SHROOM2: variants seen among roughly 807,000 people sequenced by gnomAD.
The protein encoded by SHROOM2 is shroom family member 2, also known as protein Shroom2.
SHROOM2 carries 33 observed loss-of-function variants against 75.9 expected under a neutral mutation model. That is an observed-to-expected ratio of 0.43 (90% CI 0.33 to 0.58). SHROOM2 has a LOEUF of 0.58. Among genes scored for constraint, SHROOM2 ranks in the 20% least tolerant of loss-of-function variants. SHROOM2 has a pLI of 0.04. For synonymous variants in SHROOM2, 655 were observed against 663.6 expected (o/e 0.99, Z 0.20); for missense variants, 1,434 against 1,461.2 (o/e 0.98, Z 0.30).
At chrX:9,885,471 C>T (rs931952037) in intron 2 of SHROOM2, among the ~76,000 whole-genome samples, 1 of 109,788 alleles carries the variant, frequency 9.1e-6, no homozygotes, top group Non-Finnish European at 1.9e-5. Flanking sequence ...GAGGTGCCAA[C>T]AAACAGAAAC....
At chrX:9,824,426 C>T (rs905407079) in intron 1 of SHROOM2, among the ~76,000 whole-genome samples, 135 of 110,453 alleles carry the variant, frequency 1.2e-3, no homozygotes, top group African/African-American at 4.2e-3. Context: ...AGACAAGAGC[C>T]GAAACTCCGT....
chrX:9,867,365 C>G (rs1005471163), intron 1 of SHROOM2, among the ~76,000 whole-genome samples: 1 of 111,201 alleles, frequency 9.0e-6, no homozygotes, highest in Admixed American at 9.6e-5. Flanking sequence ...CGTCATGGGT[C>G]GGGGATGATT....
chrX:9,798,501 G>C (rs1275537736), intron 1 of SHROOM2, among the ~76,000 whole-genome samples: 1 of 111,505 alleles, frequency 9.0e-6, no homozygotes, highest in African/African-American at 3.3e-5. Flanking sequence ...TGAAAGTACA[G>C]CTGTATTGAT....
At chrX:9,846,317 C>T (rs751792079) in intron 1 of SHROOM2, among the ~76,000 whole-genome samples, 3 of 110,195 alleles carry the variant, frequency 2.7e-5, no homozygotes, top group Non-Finnish European at 3.8e-5. Context: ...ATTTTTGAGA[C>T]GGAGTCTCGC....
At chrX:9,929,894 A>G (rs982869598) in intron 5 of SHROOM2, among the ~76,000 whole-genome samples, 12 of 111,142 alleles carry the variant, frequency 1.1e-4, no homozygotes, top group Admixed American at 1.1e-3. Flanking sequence ...TAAGTCTCAC[A>G]AGACCTGATG....
In SHROOM2 at chrX:9,871,388, C is replaced by G. The variant is rs376123102; in HGVS notation, c.166-2264C>G. ...AAGAAGCCTTTCCTCTGTGAAGAAA[C>G]CTGGGGGGAGGGTTGCTCCAGATCC... On this transcript the variant is annotated intron_variant, in intron 1 of 9. Coordinates refer to ENST00000380913, the MANE Select transcript of SHROOM2 (RefSeq NM_001649.4). Among the ~76,000 whole-genome samples the G allele has an allele frequency of 5.4e-5, 6 of 111,685 alleles. No individual in the cohort carries two copies. The East Asian group carries it at 1.1e-3, about 21-fold the overall frequency.
chrX:9,900,555 G>A (rs887059362), intron 5 of SHROOM2, among the ~76,000 whole-genome samples: 1 of 112,286 alleles, frequency 8.9e-6, no homozygotes, highest in Non-Finnish European at 1.9e-5. Context: ...GTTGAGATCG[G>A]AATTGTTTTT....
At position 9,904,318 on chromosome X, in the gene SHROOM2, G is replaced by A. The variant is rs757137567; in HGVS notation, c.2891+6028G>A. Among the ~76,000 whole-genome samples, 10 of 111,582 alleles carry A rather than the reference G, an allele frequency of 9.0e-5. No homozygotes were observed. In the South Asian group the frequency reaches 1.9e-3, roughly 21 times the overall value. On this transcript the variant is annotated intron_variant, in intron 5 of 9. Transcript: ENST00000380913. ...GAGGATCACTTGAGTCCAGGAGTTC[G>A]AGACCAGCTGGGGCAACCTAGCAAT...
chrX:9,787,981 C>T (rs761203184), intron 1 of SHROOM2, among the ~76,000 whole-genome samples: 3 of 82,678 alleles, frequency 3.6e-5, no homozygotes, highest in African/African-American at 1.5e-4. Context: ...TCTTTTCTTT[C>T]TTTCTTTCTT....
intron 2 of SHROOM2, among the ~76,000 whole-genome samples, chrX:9,875,068 A>T (rs2084190972): frequency 1.2e-5 from 1 of 80,874 alleles, no homozygotes; most frequent in Non-Finnish European, 2.2e-5. Context: ...GTGACAGAGC[A>T]AGACCCTGTC....
chrX:9,790,679 A>G (rs1033835225), intron 1 of SHROOM2, among the ~76,000 whole-genome samples: 4 of 111,945 alleles, frequency 3.6e-5, no homozygotes, highest in Admixed American at 2.9e-4. Flanking sequence ...GTGTCATTAT[A>G]AAGATCCATC....
chrX:9,930,257 C>G (rs993325587), intron 5 of SHROOM2, among the ~76,000 whole-genome samples: 2 of 111,565 alleles, frequency 1.8e-5, no homozygotes, highest in Admixed American at 9.6e-5. Context: ...TGACTCACAC[C>G]TGTAATCCCA....
In SHROOM2 at chrX:9,830,356, C is replaced by T. The variant is rs181946821; in HGVS notation, c.166-43296C>T. ...ACACGGAGCAGGGGGAGTGCTGGCG[C>T]CTGGATGGTGGCCTGAATTTTCTTG... On this transcript the variant is annotated intron_variant, in intron 1 of 9. Transcript: ENST00000380913. Among the ~76,000 whole-genome samples, 16 of 110,616 alleles carry T rather than the reference C, an allele frequency of 1.4e-4. No individual in the cohort carries two copies. In the East Asian group the frequency reaches 4.3e-3, roughly 29 times the overall value.
chrX:9,888,268 G>A (rs2084271809), intron 2 of SHROOM2, among the ~76,000 whole-genome samples: 1 of 108,423 alleles, frequency 9.2e-6, no homozygotes, highest in African/African-American at 3.4e-5. Flanking sequence ...TGCCTCTGCA[G>A]GGGCCATACG....
intron 1 of SHROOM2, among the ~76,000 whole-genome samples, chrX:9,848,242 C>T (rs1015648107): frequency 4.5e-5 from 5 of 110,299 alleles, no homozygotes; most frequent in Non-Finnish European, 9.5e-5. Context: ...CGGTGGCTCA[C>T]GCCTGTAATC....
chrX:9,896,618 G>A lies in SHROOM2; in HGVS notation c.2710G>A (p.Val904Met). The stretch of plus-strand genomic sequence containing the variant: ...CCACTCAGCGGATGACATCCTGGAT[G>A]TGAGCCTGGACCCACAGGAGAGGCC... ...RCHSADDILD[V>M]SLDPQERPQH... Residue 904 changes from valine (V) to methionine (M), a missense_variant, in exon 4 of 10, where the codon GTG (valine) becomes ATG (methionine). Around this residue, in one of 3 missense-constraint regions of SHROOM2, gnomAD observed 1,340 missense variants for 1,338.3 expected, o/e 1.00. Coordinates refer to ENST00000380913, the MANE Select transcript of SHROOM2 (RefSeq NM_001649.4). 8.3e-7 allele frequency: 1 copy of A among 1,209,274 alleles called. No homozygotes were observed. Among genetic ancestry groups the A allele is most frequent in the African/African-American group, 1.7e-5 (1 of 57,995 alleles).
At chrX:9,932,975 A>G in intron 6 of SHROOM2, 105 bp downstream of exon 6, 2 of 637,825 alleles carry the variant, frequency 3.1e-6, no homozygotes, top group Non-Finnish European at 2.3e-6. Context: ...GCTTTAGCTC[A>G]AGGCGTTGGA....
chrX:9,930,715 A>G (rs1004057654), intron 5 of SHROOM2, among the ~76,000 whole-genome samples: 1 of 110,616 alleles, frequency 9.0e-6, no homozygotes, highest in African/African-American at 3.3e-5. Context: ...TCTCTAACCC[A>G]TGCATAGCTG....
chrX:9,928,149 T>C (rs1249590219), intron 5 of SHROOM2, among the ~76,000 whole-genome samples: 2 of 112,007 alleles, frequency 1.8e-5, no homozygotes, highest in Non-Finnish European at 3.8e-5. Flanking sequence ...CTCTGTCTCC[T>C]TCAGTGGCGG....
Sources: allele counts gnomAD v4.1 joint callset (sites outside exome capture counted in the v4.1 genomes callset), GRCh38; gene constraint gnomAD v4.1.1; regional missense constraint gnomAD v4.1.1; transcripts MANE v1.5; gene names NCBI Gene and HGNC (gene_info 2026-07-23, HGNC 2026-07-21).